EPB41L2: variants seen among roughly 807,000 people sequenced by gnomAD.
EPB41L2 encodes erythrocyte membrane protein band 4.1 like 2.
EPB41L2 carries 43 observed loss-of-function variants against 113.0 expected under a neutral mutation model. That is an observed-to-expected ratio of 0.38 (90% CI 0.30 to 0.49). EPB41L2 has a LOEUF of 0.49. EPB41L2 is among the 20% of genes least tolerant of loss of function. EPB41L2 has a pLI of 0.95. For synonymous variants in EPB41L2, 442 were observed against 436.7 expected, an observed-to-expected ratio of 1.01 and a Z score of -0.15; for missense variants, 1,147 against 1,223.4, an observed-to-expected ratio of 0.94 and a Z score of 0.93.
At chr6:130,900,709 G>A (rs1796040889) in intron 7 of EPB41L2, among the ~76,000 whole-genome samples, 1 of 152,192 alleles carries the variant, frequency 6.6e-6, no homozygotes. Context: ...AGAAGAAGGT[G>A]TCATGGGGAA....
chr6:130,892,225 GT>G (rs1720820750), intron 10 of EPB41L2, among the ~76,000 whole-genome samples: 1 of 152,076 alleles, frequency 6.6e-6, no homozygotes, highest in Admixed American at 6.6e-5. Context: ...AGGAAGCCCG[GT>G]CCCCATCTCT....
chr6:131,034,182 C>CCA (rs1792822851), intron 1 of EPB41L2, among the ~76,000 whole-genome samples: 2 of 152,130 alleles, frequency 1.3e-5, no homozygotes, highest in Admixed American at 1.3e-4. Flanking sequence ...ATTTTCTTAA[C>CCA]CACACAAAGG....
Position 130,870,065 on chromosome 6 carries a change from TC to T in EPB41L2, c.2104del (p.Glu702LysfsTer3). 6.2e-7 allele frequency: 1 copy of T among 1,614,104 alleles called. No individual in the cohort carries two copies. The highest frequency in any genetic ancestry group is 8.5e-7 in the Non-Finnish European group (1 of 1,180,008). On this transcript the variant is annotated frameshift_variant, in exon 15 of 20. Transcript: ENST00000337057. LOFTEE classifies it high-confidence loss of function. ...ATTCATTTCTTCTGTGATTACTCTT[TC>T]GTCTTTCCCAACCTCTGCCCGCTTC... is the stretch of plus-strand genomic sequence containing the variant. ...EKKRAEVGKDERVITEEMNGK... is the reference protein window; with the variant it reads ...EKKRAEVGKDXRVITEEMNGK...
chr6:130,961,878 A>T, intron 1 of EPB41L2, among the ~76,000 whole-genome samples: 1 of 152,234 alleles, frequency 6.6e-6, no homozygotes, highest in East Asian at 1.9e-4. Context: ...TAGCAAGAGG[A>T]TGGAGGGAGG....
chr6:130,998,153 GAT>G (rs1468523261), intron 1 of EPB41L2, among the ~76,000 whole-genome samples: 4 of 152,204 alleles, frequency 2.6e-5, no homozygotes, highest in African/African-American at 9.7e-5. Context: ...GAGTCTTAGA[GAT>G]ATAACATAGC....
chr6:130,971,802 A>G (rs1476677137), intron 1 of EPB41L2, among the ~76,000 whole-genome samples: 3 of 152,232 alleles, frequency 2.0e-5, no homozygotes, highest in Admixed American at 1.3e-4. Flanking sequence ...ATTTTTATCT[A>G]TAAATTACTA....
intron 1 of EPB41L2, among the ~76,000 whole-genome samples, chr6:130,997,678 TGACAAAGG>T (rs1783460565): frequency 6.6e-6 from 1 of 151,858 alleles, no homozygotes; most frequent in Non-Finnish European, 1.5e-5. Context: ...CTCAAAGGAG[TGACAAAGG>T]CACTTCTTTA....
At chr6:130,962,295 T>C (rs921344406) in intron 1 of EPB41L2, among the ~76,000 whole-genome samples, 12 of 142,484 alleles carry the variant, frequency 8.4e-5, no homozygotes, top group African/African-American at 2.9e-4. Flanking sequence ...AAGGAGGAAG[T>C]GGGGTGGGAA....
intron 8 of EPB41L2, among the ~76,000 whole-genome samples, chr6:130,895,845 A>C (rs1031771898): frequency 2.6e-5 from 4 of 152,246 alleles, no homozygotes; most frequent in Non-Finnish European, 5.9e-5. Context: ...ACAGGCCTAA[A>C]TTATGTTTTA....
At chr6:130,849,601 A>G (rs1778166330) in intron 19 of EPB41L2, among the ~76,000 whole-genome samples, 2 of 152,356 alleles carry the variant, frequency 1.3e-5, no homozygotes, top group South Asian at 2.1e-4. Context: ...TCTCTATAAG[A>G]GAAAAAAATA....
At chr6:130,850,590 A>C (rs1164758586) in intron 19 of EPB41L2, among the ~76,000 whole-genome samples, 1 of 152,206 alleles carries the variant, frequency 6.6e-6, no homozygotes, top group East Asian at 1.9e-4. Flanking sequence ...TATATTTATA[A>C]GTACACACAT....
At chr6:130,996,046 G>C (rs1408426912) in intron 1 of EPB41L2, among the ~76,000 whole-genome samples, 2 of 152,242 alleles carry the variant, frequency 1.3e-5, no homozygotes, top group African/African-American at 4.8e-5. Flanking sequence ...AAGGGAGCCA[G>C]AGATACTCTG....
chr6:130,860,657 C>T (rs1002762701), intron 18 of EPB41L2, among the ~76,000 whole-genome samples: 12 of 152,130 alleles, frequency 7.9e-5, no homozygotes, highest in African/African-American at 2.7e-4. Flanking sequence ...CTCAGCCTCC[C>T]GAATAGCTGC....
At chr6:130,930,233 A>G (rs1241692836) in intron 3 of EPB41L2, among the ~76,000 whole-genome samples, 2 of 152,068 alleles carry the variant, frequency 1.3e-5, no homozygotes, top group African/African-American at 2.4e-5. Flanking sequence ...AAAAGAGCCC[A>G]CTATTTTTTA....
chr6:130,869,125 AT>A (rs1784833415), intron 15 of EPB41L2, among the ~76,000 whole-genome samples: 1 of 152,136 alleles, frequency 6.6e-6, no homozygotes, highest in Admixed American at 6.5e-5. Flanking sequence ...GTCAAACCCA[AT>A]CATGACATCA....
intron 14 of EPB41L2, chr6:130,876,571 T>A (rs948862597): frequency 1.7e-6 from 1 of 600,666 alleles, no homozygotes; most frequent in African/African-American, 2.0e-5. Context: ...TTCAAAAAAA[T>A]TTTAGTATGA....
chr6:130,932,421 C>T (rs1259270620), intron 3 of EPB41L2, among the ~76,000 whole-genome samples: 3 of 151,946 alleles, frequency 2.0e-5, no homozygotes, highest in Non-Finnish European at 4.4e-5. Context: ...TGCTTCATAA[C>T]TTTCACCTAA....
intron 5 of EPB41L2, among the ~76,000 whole-genome samples, chr6:130,907,108 A>G (rs368140657): frequency 9.9e-5 from 15 of 152,222 alleles, no homozygotes; most frequent in African/African-American, 3.6e-4. Context: ...TAATCAAACA[A>G]GAACCCAAAC....
At chr6:130,942,601 A>G (rs1343944332) in intron 3 of EPB41L2, among the ~76,000 whole-genome samples, 2 of 152,154 alleles carry the variant, frequency 1.3e-5, no homozygotes, top group South Asian at 2.1e-4. Flanking sequence ...TACTGCCTAC[A>G]TATATTTTTT....
Sources: allele counts gnomAD v4.1 joint callset (sites outside exome capture counted in the v4.1 genomes callset), GRCh38; gene constraint gnomAD v4.1.1; transcripts MANE v1.5; gene names NCBI Gene and HGNC (gene_info 2026-07-23, HGNC 2026-07-21).